Variants in AADAT observed in about 807,000 individuals in gnomAD.
AADAT encodes the protein aminoadipate aminotransferase.
A neutral mutation model predicts 56.2 loss-of-function variants in AADAT; 25 were observed. The observed-to-expected ratio is 0.44, with a 90% CI of 0.32 to 0.62. The LOEUF is 0.62. Ranked by LOEUF, AADAT falls within the 20% of genes least tolerant of loss-of-function variation. The probability of loss-of-function intolerance (pLI) is 0.04; values close to 1 mark genes in which losing one functional copy is unlikely to be tolerated. For missense variants in AADAT, 387 were observed against 510.5 expected (o/e 0.76, Z 2.33); for synonymous variants, 173 against 164.7 (o/e 1.05, Z -0.39).
chr4:170,064,422 G>A (rs184594190), intron 11 of AADAT, among the ~76,000 whole-genome samples: 6 of 152,196 alleles, frequency 3.9e-5, no homozygotes. Context: ...ATCCCCTAAG[G>A]GGTGGTGCTG....
At chr4:170,066,359 C>T in intron 10 of AADAT, 55 bp downstream of exon 10, 4 of 1,440,674 alleles carry the variant, frequency 2.8e-6, no homozygotes, top group Non-Finnish European at 2.9e-6. Flanking sequence ...GTGTTTATCC[C>T]CTACTTTTAC....
intron 4 of AADAT, among the ~76,000 whole-genome samples, chr4:170,076,768 G>A (rs978641139): frequency 1.3e-5 from 2 of 151,778 alleles, no homozygotes; most frequent in Non-Finnish European, 2.9e-5. Flanking sequence ...TCATATTTTT[G>A]GTCATATCTA....
Position 170,064,830 on chromosome 4 carries a change from A to C in AADAT, c.1028-5T>G. ...GAACATGCCATTCTGCCAAACCTACAAACAAAAGAAGAGAATAAATGTCTT... is the reference window on the plus strand; with the variant it reads ...GAACATGCCATTCTGCCAAACCTACCAACAAAAGAAGAGAATAAATGTCTT... On this transcript the variant is annotated splice_region_variant and splice_polypyrimidine_tract_variant and intron_variant, in intron 10 of 12. Coordinates refer to ENST00000337664, the MANE Select transcript of AADAT (RefSeq NM_016228.4). 1 of 1,606,212 alleles carries C rather than the reference A, an allele frequency of 6.2e-7. No homozygotes were observed. Among genetic ancestry groups the C allele is most frequent in the Non-Finnish European group, 8.5e-7 (1 of 1,177,946 alleles).
intron 8 of AADAT, 22 bp downstream of exon 8, chr4:170,068,569 C>T (rs922205561): frequency 6.1e-6 from 9 of 1,479,212 alleles, no homozygotes; most frequent in Admixed American, 2.2e-5. Flanking sequence ...AAAAAAAAAT[C>T]GATTTCCTAA....
At position 170,087,152 on chromosome 4, in the gene AADAT, T is replaced by A. The variant is rs760035183; in HGVS notation, c.333A>T (p.Leu111=). 3 of 1,614,004 alleles carry A rather than the reference T, an allele frequency of 1.9e-6. No individual in the cohort carries two copies. The highest frequency in any genetic ancestry group is 2.5e-6 in the Non-Finnish European group (3 of 1,180,028). ...HYPPSQGQMD[L]CVTSGSQQGL... is the part of the protein sequence containing the mutation. ...CTTGTTGGCTGCCAGATGTGACACA[T>A]AGATCCATTTGTCCTTGACTGGGTG... The change falls in exon 3 of 13, where the codon CTA becomes CTT. Residue 111 remains leucine, a synonymous_variant. Transcript: ENST00000337664.
chr4:170,086,228 A>G (rs1339105690), intron 3 of AADAT, among the ~76,000 whole-genome samples: 1 of 151,706 alleles, frequency 6.6e-6, no homozygotes, highest in African/African-American at 2.4e-5. Flanking sequence ...TCTGGGTGAC[A>G]GGGTGAGACC....
intron 3 of AADAT, among the ~76,000 whole-genome samples, chr4:170,082,771 A>T (rs1732378398): frequency 6.6e-6 from 1 of 152,112 alleles, no homozygotes; most frequent in South Asian, 2.1e-4. Flanking sequence ...TAAAAAGAGT[A>T]GGTGTAGCTA....
At chr4:170,067,820 A>G (rs971975147) in intron 8 of AADAT, among the ~76,000 whole-genome samples, 1 of 152,110 alleles carries the variant, frequency 6.6e-6, no homozygotes, top group Admixed American at 6.6e-5. Flanking sequence ...GTTACATGAC[A>G]TATTTGGAGA....
intron 9 of AADAT, 53 bp downstream of exon 9, chr4:170,067,274 T>C (rs1373186319): frequency 6.6e-6 from 9 of 1,360,156 alleles, no homozygotes; most frequent in East Asian, 4.6e-5. Context: ...ATCTGTACTA[T>C]GTTCACTGGG....
intron 4 of AADAT, among the ~76,000 whole-genome samples, chr4:170,075,342 TG>T (rs1731981168): frequency 6.6e-6 from 1 of 152,242 alleles, no homozygotes; most frequent in African/African-American, 2.4e-5. Flanking sequence ...CTTTTTTGTT[TG>T]TTTTTTTAAG....
intron 1 of AADAT, 74 bp downstream of exon 1, chr4:170,089,550 G>T: frequency 6.4e-7 from 1 of 1,569,424 alleles, no homozygotes; most frequent in African/African-American, 1.4e-5. Context: ...GCGGTGGCTT[G>T]CTAGGGAACC....
upstream of AADAT, among the ~76,000 whole-genome samples, chr4:170,093,088 A>G (rs1732916974): frequency 6.6e-6 from 1 of 151,940 alleles, no homozygotes; most frequent in African/African-American, 2.4e-5. Flanking sequence ...TTTTTTTGAT[A>G]GGGGAGGACT....
chr4:170,072,267 ATATG>A (rs1229559903), intron 5 of AADAT, among the ~76,000 whole-genome samples: 39 of 150,394 alleles, frequency 2.6e-4, no homozygotes, highest in South Asian at 6.4e-4. Context: ...ACATGTATAT[ATATG>A]TGTGTGTGTG....
At chr4:170,089,142 G>C (rs1259199180) in intron 1 of AADAT, 1 of 251,098 alleles carries the variant, frequency 4.0e-6, no homozygotes, top group African/African-American at 2.3e-5. Flanking sequence ...AAGAATGAAG[G>C]TGACCAAAGA....
At chr4:170,078,993 T>G (rs1732168214) in intron 3 of AADAT, among the ~76,000 whole-genome samples, 1 of 152,220 alleles carries the variant, frequency 6.6e-6, no homozygotes, top group African/African-American at 2.4e-5. Context: ...ATGTTTACTA[T>G]ACGCCAGGCC....
At chr4:170,085,243 A>G (rs1295782736) in intron 3 of AADAT, among the ~76,000 whole-genome samples, 1 of 152,208 alleles carries the variant, frequency 6.6e-6, no homozygotes. Context: ...GTCAAAAGTT[A>G]TATGCAGATT....
chr4:170,070,651 A>G lies in AADAT; in HGVS notation c.656T>C (p.Leu219Pro). The change falls in exon 6 of 13, where the codon CTT (leucine) becomes CCT (proline). Residue 219 changes from leucine (L) to proline (P), a missense_variant and splice_region_variant. By Grantham distance (98) the Leu-to-Pro change is moderately conservative. Coordinates refer to ENST00000337664, the MANE Select transcript of AADAT (RefSeq NM_016228.4). ...TSERKKEIYELARKYDFLIIE... is the reference protein window; with the variant it reads ...TSERKKEIYEPARKYDFLIIE... ...TATGAGGAAATCATATTTTCTTGCA[A>G]GCTAAAAAAGGTTGAAGTAATTGTT... is the stretch of plus-strand genomic sequence containing the variant. 1 of 1,541,396 alleles carries G rather than the reference A, an allele frequency of 6.5e-7. No homozygotes were observed. The highest frequency in any genetic ancestry group is 8.9e-7 in the Non-Finnish European group (1 of 1,127,484).
intron 3 of AADAT, among the ~76,000 whole-genome samples, chr4:170,081,880 G>A (rs75754458): frequency 0.04 from 6,148 of 152,096 alleles, 137 homozygotes; most frequent in Middle Eastern, 0.075. Context: ...CCAAAAGGCC[G>A]AGAAGCGATC....
intron 11 of AADAT, among the ~76,000 whole-genome samples, chr4:170,064,453 TG>T (rs1731348059): frequency 6.6e-6 from 1 of 152,240 alleles, no homozygotes; most frequent in African/African-American, 2.4e-5. Flanking sequence ...CCAACAGGTG[TG>T]GCTCCGGAGA....
Sources: allele counts gnomAD v4.1 joint callset (sites outside exome capture counted in the v4.1 genomes callset), GRCh38; gene constraint gnomAD v4.1.1; transcripts MANE v1.5; gene names NCBI Gene and HGNC (gene_info 2026-07-23, HGNC 2026-07-21).